ZBTB34: variants seen among roughly 807,000 people sequenced by gnomAD.
ZBTB34 encodes the protein zinc finger and BTB domain containing 34.
A neutral mutation model predicts 33.4 loss-of-function variants in ZBTB34; 1 was observed. The ratio of observed to expected loss-of-function variants is 0.03; its 90% CI spans 0.01 to 0.14. The LOEUF is 0.14. Among genes scored for constraint, ZBTB34 ranks in the 10% least tolerant of loss-of-function variants. The pLI is 1.00. For synonymous variants in ZBTB34, 283 were observed against 253.5 expected, an observed-to-expected ratio of 1.12 and a Z score of -1.11; for missense variants, 406 against 657.2, an observed-to-expected ratio of 0.62 and a Z score of 4.18.
Position 126,879,110 on chromosome 9 carries a change from CTCAG to C in ZBTB34, c.-10-275_-10-272del, listed in dbSNP as rs1269206144. 7.2e-5 allele frequency among the ~76,000 whole-genome samples: 11 copies of C among 152,286 alleles called. No individual in the cohort carries two copies. In the East Asian group the frequency reaches 9.6e-4, roughly 13 times the overall value. ...ATTTTTCCTAAAAGGAGACCAATTTCTCAGTCAGAGCCAAAATAGTCCTACTATG... is the reference window on the plus strand; with the variant it reads ...ATTTTTCCTAAAAGGAGACCAATTTCTCAGAGCCAAAATAGTCCTACTATG... On this transcript the variant is annotated intron_variant, in intron 1 of 1. Coordinates refer to ENST00000319119, the Ensembl canonical transcript of ZBTB34. This position sits in a 1 kb window ranked among gnomAD's most constrained non-coding sequence, Gnocchi z 6.4.
At chr9:126,885,691 T>C (rs1034156636) in exon 2 of ZBTB34, 6 of 167,100 alleles carry the variant, frequency 3.6e-5, no homozygotes, top group African/African-American at 1.4e-4. Flanking sequence ...ATAGCATGAA[T>C]TTAAGACTAT....
chr9:126,874,065 A>T (rs2033320327), intron 1 of ZBTB34, among the ~76,000 whole-genome samples: 1 of 93,128 alleles, frequency 1.1e-5, no homozygotes, highest in African/African-American at 4.5e-5. Flanking sequence ...TTTTTTTGAG[A>T]CAGAGTCTTG....
At chr9:126,866,375 C>G (rs2033201777) in intron 1 of ZBTB34, among the ~76,000 whole-genome samples, 1 of 152,136 alleles carries the variant, frequency 6.6e-6, no homozygotes, top group Non-Finnish European at 1.5e-5. Context: ...ATTCAAGGCC[C>G]TCCACCTTCT....
intron 1 of ZBTB34, among the ~76,000 whole-genome samples, chr9:126,876,068 A>G (rs2033352078): frequency 6.8e-6 from 1 of 146,286 alleles, no homozygotes; most frequent in African/African-American, 2.5e-5. Flanking sequence ...CTAGGAGGTG[A>G]GGATATTGGG....
Position 126,880,392 on chromosome 9 carries a change from T to C in ZBTB34, c.993T>C (p.Ser331=). Reference sequence around the variant, plus strand: ...GTGCCCGCCAGAAGCGGGCTTTGTCTGTCCACCTGCACAGTGACCTGCAGG... The same window carrying C: ...GTGCCCGCCAGAAGCGGGCTTTGTCCGTCCACCTGCACAGTGACCTGCAGG... The change falls in exon 2 of 2, where the codon TCT becomes TCC. Residue 331 remains serine, a synonymous_variant. Transcript: ENST00000319119. The surrounding 1 kb of genome is among the most constrained non-coding windows in gnomAD (Gnocchi z 6.7). 2.5e-6 allele frequency: 4 copies of C among 1,613,670 alleles called. No individual in the cohort carries two copies. The highest frequency in any genetic ancestry group is 3.4e-6 in the Non-Finnish European group (4 of 1,179,828).
Position 126,880,716 on chromosome 9 carries a change from G to A in ZBTB34, c.1317G>A (p.Lys439=). 1 of 1,613,814 alleles carries A rather than the reference G, an allele frequency of 6.2e-7. No homozygotes were observed. The change falls in exon 2 of 2, where the codon AAG becomes AAA. Residue 439 remains lysine (K), a synonymous_variant. Transcript: ENST00000319119. The surrounding 1 kb of genome is among the most constrained non-coding windows in gnomAD (Gnocchi z 6.7). ...CATTCCGCTGTGAGATCTGCGGGAA[G>A]TGCTTTCCATTCCAAGGTACCCTCA...
chr9:126,885,483 C>G (rs953166144), exon 2 of ZBTB34: 1 of 167,122 alleles, frequency 6.0e-6, no homozygotes, highest in African/African-American at 2.4e-5. Context: ...AACCATCTCT[C>G]TCACCACTTT....
intron 1 of ZBTB34, among the ~76,000 whole-genome samples, chr9:126,869,995 C>T (rs11790081): frequency 7.3e-4 from 111 of 152,052 alleles, no homozygotes; most frequent in Non-Finnish European, 1.4e-3. Context: ...TGTTAAAATA[C>T]GTATCGATAC....
intron 1 of ZBTB34, among the ~76,000 whole-genome samples, chr9:126,865,477 T>A (rs187614480): frequency 6.6e-6 from 1 of 152,232 alleles, no homozygotes; most frequent in Non-Finnish European, 1.5e-5. Context: ...GTTGTTGATA[T>A]GTGGAGACAG....
rs2033410108 is a variant in ZBTB34 at position 126,879,872 on chromosome 9, G to A, written c.473G>A (p.Ser158Asn). Residue 158 changes from serine (S) to asparagine (N), a missense_variant, in exon 2 of 2, where the codon AGC becomes AAC. Around this residue, in one of 6 missense-constraint regions of ZBTB34, gnomAD observed 137 missense variants for 173.0 expected, o/e 0.79. Coordinates refer to ENST00000319119, the Ensembl canonical transcript of ZBTB34. The surrounding 1 kb of genome is among the most constrained non-coding windows in gnomAD (Gnocchi z 6.4). The stretch of plus-strand genomic sequence containing the variant: ...GAGAGTCGAAACGGAGTGAAAGACA[G>A]CAGCTTCTTTGCCAACCCAGTGGAG... 4 of 1,612,978 alleles carry A rather than the reference G, an allele frequency of 2.5e-6. No individual in the cohort carries two copies. The highest frequency in any genetic ancestry group is 3.4e-6 in the Non-Finnish European group (4 of 1,179,890).
chr9:126,883,534 C>T (rs932888091), exon 2 of ZBTB34: 1 of 167,034 alleles, frequency 6.0e-6, no homozygotes, highest in African/African-American at 2.4e-5. Context: ...CAAAAATATC[C>T]ATTGCTTTGA....
rs148056653 is a variant in ZBTB34, at chr9:126,873,811, A to G, written c.-10-5579A>G. ...GTAGAGACAGGGTTGCACCAGGTCG[A>G]TCAGGCTGTTCTGGAACTCCTGACC... On this transcript the variant is annotated intron_variant, in intron 1 of 1. Coordinates refer to ENST00000319119, the Ensembl canonical transcript of ZBTB34. Among the ~76,000 whole-genome samples the G allele has an allele frequency of 6.5e-3, 984 of 150,704 alleles. 38 individuals carry two copies. The East Asian group carries it at 0.1, about 16-fold the overall frequency.
exon 2 of ZBTB34, chr9:126,883,944 G>C (rs2033481723): frequency 6.0e-6 from 1 of 167,080 alleles, no homozygotes; most frequent in African/African-American, 2.4e-5. Context: ...TTCTCTCCCT[G>C]AAGTTCACTT....
intron 1 of ZBTB34, among the ~76,000 whole-genome samples, chr9:126,877,737 G>T (rs1208976919): frequency 6.6e-6 from 1 of 152,196 alleles, no homozygotes; most frequent in Non-Finnish European, 1.5e-5. Flanking sequence ...GAGCGCGGTG[G>T]CTCACGCCTG....
chr9:126,873,932 G>T lies in ZBTB34; in HGVS notation c.-10-5458G>T, dbSNP rs141802343. ...AAGCATTTTTTCTCTACATGTAAAGGCTATTTTTATTTCTTTTTAAAAGCC... is the reference window on the plus strand; with the variant it reads ...AAGCATTTTTTCTCTACATGTAAAGTCTATTTTTATTTCTTTTTAAAAGCC... On this transcript the variant is annotated intron_variant, in intron 1 of 1. Coordinates refer to ENST00000319119, the Ensembl canonical transcript of ZBTB34. Among the ~76,000 whole-genome samples the T allele has an allele frequency of 4.4e-3, 670 of 151,676 alleles. 9 individuals carry two copies. Among genetic ancestry groups the T allele is most frequent in the Middle Eastern group, 0.031 (9 of 294 alleles).
chr9:126,863,689 C>A, intron 1 of ZBTB34: 1 of 985,332 alleles, frequency 1.0e-6, no homozygotes. Flanking sequence ...GCAAGGAAAA[C>A]CTCATGGAAG....
intron 1 of ZBTB34, among the ~76,000 whole-genome samples, chr9:126,874,821 CT>C (rs2033333690): frequency 6.6e-6 from 1 of 152,098 alleles, no homozygotes; most frequent in South Asian, 2.1e-4. Flanking sequence ...TTTACTTGTC[CT>C]TTAGTTCTTA....
chr9:126,875,339 A>G (rs922352744), intron 1 of ZBTB34, among the ~76,000 whole-genome samples: 2 of 152,198 alleles, frequency 1.3e-5, no homozygotes, highest in African/African-American at 4.8e-5. Context: ...TTTATGTTGG[A>G]CCACAATGTT....
At position 126,879,938 on chromosome 9, in the gene ZBTB34, C is replaced by G. The variant is rs780049249; in HGVS notation, c.539C>G (p.Ala180Gly). 14 of 1,613,226 alleles carry G rather than the reference C, an allele frequency of 8.7e-6. No individual in the cohort carries two copies. Among genetic ancestry groups the G allele is most frequent in the Non-Finnish European group, 1.2e-5 (14 of 1,179,884 alleles). The change falls in exon 2 of 2, where the codon GCA (alanine) becomes GGA (glycine). Residue 180 changes from alanine (A) to glycine (G), a missense_variant. Ala to Gly is a moderately conservative substitution (Grantham distance 60). Around this residue, in one of 6 missense-constraint regions of ZBTB34, gnomAD observed 137 missense variants for 173.0 expected, o/e 0.79. Transcript: ENST00000319119. This position sits in a 1 kb window ranked among gnomAD's most constrained non-coding sequence, Gnocchi z 6.4. ...TGCTCTCAGGGACGGCAGCCCACCG[C>G]AAGCAGTGACCTCCGGATGGAGACG... is the stretch of plus-strand genomic sequence containing the variant.
Sources: allele counts gnomAD v4.1 joint callset (sites outside exome capture counted in the v4.1 genomes callset), GRCh38; gene constraint gnomAD v4.1.1; regional missense constraint gnomAD v4.1.1; non-coding constraint Gnocchi (gnomAD v3.1); transcripts MANE v1.5; gene names NCBI Gene and HGNC (gene_info 2026-07-23, HGNC 2026-07-21).